Variants in C12orf42 observed in about 807,000 individuals in gnomAD.
C12orf42 encodes chromosome 12 open reading frame 42, also known as uncharacterized protein C12orf42.
C12orf42 carries 25 observed loss-of-function variants against 21.6 expected under a neutral mutation model. The observed-to-expected ratio is 1.16, with a 90% CI of 0.84 to 1.62. The LOEUF (loss-of-function observed/expected upper bound fraction) is 1.62. Ranked by LOEUF, C12orf42 falls within the 40% of genes most tolerant of loss-of-function variation. The probability of loss-of-function intolerance (pLI) is 0.00; values close to 1 mark genes in which losing one functional copy is unlikely to be tolerated. For synonymous variants in C12orf42, 174 were observed against 175.0 expected, an observed-to-expected ratio of 0.99 and a Z score of 0.05; for missense variants, 483 against 459.3, an observed-to-expected ratio of 1.05 and a Z score of -0.47.
chr12:103,552,523 G>C, the C12orf42 span, among the ~76,000 whole-genome samples: 1 of 152,180 alleles, frequency 6.6e-6, no homozygotes, highest in Non-Finnish European at 1.5e-5. Flanking sequence ...GTGAGTACTT[G>C]CTACAAGGGA....
At chr12:103,257,169 T>C (rs1356970844) in intron 10 of C12orf42, among the ~76,000 whole-genome samples, 1 of 151,950 alleles carries the variant, frequency 6.6e-6, no homozygotes, top group Non-Finnish European at 1.5e-5. Context: ...CATGGACACA[T>C]AGAGGGAAAC....
At chr12:103,108,819 T>C in the C12orf42 span, among the ~76,000 whole-genome samples, 1 of 152,154 alleles carries the variant, frequency 6.6e-6, no homozygotes, top group African/African-American at 2.4e-5. Context: ...GACAAAGCAC[T>C]TGTATTCACA....
the C12orf42 span, among the ~76,000 whole-genome samples, chr12:103,170,308 T>C: frequency 6.6e-6 from 1 of 152,220 alleles, no homozygotes; most frequent in Admixed American, 6.5e-5. Context: ...TTTGGATGTC[T>C]AGCCTTACAT....
chr12:103,171,859 G>C, the C12orf42 span, among the ~76,000 whole-genome samples: 2 of 152,098 alleles, frequency 1.3e-5, no homozygotes, highest in African/African-American at 4.8e-5. Context: ...GTTAATTAGT[G>C]GGCCAGGGAT....
chr12:103,440,825 T>C (rs1244478378), intron 2 of C12orf42, among the ~76,000 whole-genome samples: 1 of 152,158 alleles, frequency 6.6e-6, no homozygotes, highest in Non-Finnish European at 1.5e-5. Flanking sequence ...AAAAAGTGTT[T>C]AAATTCCTTC....
chr12:103,436,739 C>T (rs1329386405), intron 2 of C12orf42, among the ~76,000 whole-genome samples: 4 of 152,160 alleles, frequency 2.6e-5, no homozygotes, highest in African/African-American at 7.2e-5. Flanking sequence ...CAGGAGCACC[C>T]AGATTCATAA....
At chr12:103,228,232 A>G in the C12orf42 span, among the ~76,000 whole-genome samples, 18 of 152,090 alleles carry the variant, frequency 1.2e-4, no homozygotes, top group Admixed American at 3.3e-4. Flanking sequence ...GGGTGGGGCC[A>G]TTTTATAGGA....
the C12orf42 span, among the ~76,000 whole-genome samples, chr12:103,198,747 G>A: frequency 7.2e-5 from 11 of 152,124 alleles, no homozygotes; most frequent in African/African-American, 2.4e-4. Flanking sequence ...TCAGGACCAG[G>A]GACAAGTCCC....
intron 10 of C12orf42, among the ~76,000 whole-genome samples, chr12:103,257,457 A>G (rs1024983987): frequency 6.6e-6 from 1 of 152,186 alleles, no homozygotes; most frequent in Non-Finnish European, 1.5e-5. Context: ...AAAACAAAAT[A>G]CAACTTCCGT....
At chr12:103,318,511 T>G (rs2039760969) in intron 4 of C12orf42, among the ~76,000 whole-genome samples, 1 of 152,208 alleles carries the variant, frequency 6.6e-6, no homozygotes, top group Non-Finnish European at 1.5e-5. Context: ...ACACTTGCTA[T>G]TACCTGAATT....
intron 2 of C12orf42, among the ~76,000 whole-genome samples, chr12:103,438,489 A>T (rs1466392302): frequency 6.6e-6 from 1 of 152,056 alleles, no homozygotes; most frequent in Admixed American, 6.6e-5. Context: ...AGATGACATG[A>T]TTGTGTATCT....
the C12orf42 span, among the ~76,000 whole-genome samples, chr12:103,507,732 G>T: frequency 6.6e-6 from 1 of 152,034 alleles, no homozygotes; most frequent in East Asian, 1.9e-4. Flanking sequence ...ATCGACACAC[G>T]TGGAATTAGC....
chr12:103,273,043 A>G (rs931207018), intron 5 of C12orf42, among the ~76,000 whole-genome samples: 1 of 152,210 alleles, frequency 6.6e-6, no homozygotes, highest in Non-Finnish European at 1.5e-5. Context: ...ATAGACATGA[A>G]GTAGAAGAAC....
chr12:103,196,863 T>C, the C12orf42 span, among the ~76,000 whole-genome samples: 23 of 152,152 alleles, frequency 1.5e-4, no homozygotes, highest in Admixed American at 2.6e-4. Context: ...TTTGCTTCTG[T>C]ATCCAACTTG....
At chr12:103,073,332 A>G in the C12orf42 span, among the ~76,000 whole-genome samples, 1,801 of 152,202 alleles carry the variant, frequency 0.012, 42 homozygotes, top group African/African-American at 0.041. Flanking sequence ...TTTAAAATAG[A>G]AGTTTACAAA....
intron 1 of C12orf42, among the ~76,000 whole-genome samples, chr12:103,488,560 C>T (rs1954988470): frequency 6.6e-6 from 1 of 152,164 alleles, no homozygotes. Flanking sequence ...CAACGTGGTT[C>T]CATTCTCCCC....
chr12:103,250,154 G>C (rs144139340), intron 10 of C12orf42, among the ~76,000 whole-genome samples: 1 of 151,428 alleles, frequency 6.6e-6, no homozygotes, highest in Non-Finnish European at 1.5e-5. Context: ...TTGGAATGTC[G>C]GCTAAGATTT....
the C12orf42 span, among the ~76,000 whole-genome samples, chr12:103,222,265 A>G: frequency 6.6e-6 from 1 of 151,340 alleles, no homozygotes; most frequent in African/African-American, 2.4e-5. Context: ...TTGGGTAGGT[A>G]AAGGAAAATT....
chr12:103,208,848 T>C, the C12orf42 span, among the ~76,000 whole-genome samples: 1 of 152,228 alleles, frequency 6.6e-6, no homozygotes, highest in African/African-American at 2.4e-5. Context: ...AAAATGAGCT[T>C]AGTGTTCCTC....
Sources: gnomAD v4.1 joint callset for allele counts (sites outside exome capture counted in the v4.1 genomes callset) on GRCh38, gnomAD v4.1.1 for gene constraint, MANE v1.5 for transcripts, NCBI Gene and HGNC (gene_info 2026-07-23, HGNC 2026-07-21) for gene names.